ZZEF1: variants seen among roughly 807,000 people sequenced by gnomAD.
The protein encoded by ZZEF1 is zinc finger ZZ-type and EF-hand domain containing 1, also known as zinc finger ZZ-type and EF-hand domain-containing protein 1.
A neutral mutation model predicts 342.8 loss-of-function variants in ZZEF1; 157 were observed. The observed-to-expected ratio is 0.46, with a 90% CI of 0.40 to 0.52. The LOEUF is 0.52. Among genes scored for constraint, ZZEF1 ranks in the 20% least tolerant of loss-of-function variants. The pLI is 0.00. For missense variants in ZZEF1, 3,480 were observed against 3,725.6 expected (o/e 0.93, Z 1.72); for synonymous variants, 1,505 against 1,429.1 (o/e 1.05, Z -1.20).
At chr17:4,085,424 G>T (rs1305452573) in intron 16 of ZZEF1, among the ~76,000 whole-genome samples, 1 of 152,120 alleles carries the variant, frequency 6.6e-6, no homozygotes, top group Non-Finnish European at 1.5e-5. Context: ...AAGTCACAAA[G>T]ATGAAGGAGA....
At chr17:4,029,496 G>GA (rs1015708742) in intron 42 of ZZEF1, among the ~76,000 whole-genome samples, 216 of 147,582 alleles carry the variant, frequency 1.5e-3, no homozygotes, top group African/African-American at 4.2e-3. Context: ...CACCGAAAAA[G>GA]AAAAAAAAAA....
At chr17:4,112,066 A>ATG (rs2058316772) in intron 5 of ZZEF1, among the ~76,000 whole-genome samples, 3 of 48,822 alleles carry the variant, frequency 6.1e-5, no homozygotes, top group African/African-American at 2.9e-4. Context: ...ATATATATAT[A>ATG]TATATATATA....
At chr17:4,097,807 A>G (rs919040380) in intron 9 of ZZEF1, among the ~76,000 whole-genome samples, 2 of 151,952 alleles carry the variant, frequency 1.3e-5, no homozygotes, top group Non-Finnish European at 2.9e-5. Context: ...GCTAAATAAA[A>G]AGTCTGGGCC....
intron 2 of ZZEF1, 43 bp downstream of exon 2, chr17:4,123,864 A>G: frequency 6.3e-7 from 1 of 1,598,358 alleles, no homozygotes; most frequent in South Asian, 1.1e-5. Flanking sequence ...AGTATAGCAA[A>G]GTTCACTTTG....
At chr17:4,059,785 C>T (rs1446383419) in intron 30 of ZZEF1, among the ~76,000 whole-genome samples, 1 of 152,202 alleles carries the variant, frequency 6.6e-6, no homozygotes. Flanking sequence ...CTCCAGTGAT[C>T]TTCTCTTCCA....
intron 18 of ZZEF1, among the ~76,000 whole-genome samples, chr17:4,081,046 G>A (rs917535641): frequency 1.3e-5 from 2 of 151,940 alleles, no homozygotes; most frequent in Non-Finnish European, 2.9e-5. Context: ...AGACCAGCCT[G>A]GGCAACATAA....
intron 42 of ZZEF1, 94 bp from the exon 43 acceptor site, chr17:4,025,212 G>C: frequency 1.7e-6 from 2 of 1,196,290 alleles, no homozygotes; most frequent in South Asian, 1.3e-5. Context: ...CCTTACTAAA[G>C]TAGGGACTGC....
chr17:4,046,695 C>T (rs1469726256), intron 37 of ZZEF1, among the ~76,000 whole-genome samples: 2 of 152,170 alleles, frequency 1.3e-5, no homozygotes, highest in East Asian at 3.9e-4. Context: ...TCTGAAAAGA[C>T]CCGACACCAT....
chr17:4,014,584 G>C lies in ZZEF1; in HGVS notation c.8146-69C>G, dbSNP rs993169202. On this transcript the variant is annotated intron_variant, in intron 49 of 54. Transcript: ENST00000381638. The surrounding 1 kb of genome is among the most constrained non-coding windows in gnomAD (Gnocchi z 4.4). ...TAGACACTGACTGCAGCTGTCCCAT[G>C]CCGAGTCCTGTGGCTGGACCCGGGT... 8.4e-6 allele frequency: 13 copies of C among 1,544,526 alleles called. No homozygotes were observed. In the African/African-American group the frequency reaches 1.4e-4, roughly 16 times the overall value.
At chr17:4,084,777 G>T (rs960834490) in intron 16 of ZZEF1, among the ~76,000 whole-genome samples, 1 of 152,200 alleles carries the variant, frequency 6.6e-6, no homozygotes, top group African/African-American at 2.4e-5. Context: ...GGAACACGAA[G>T]AAGTGGTCTA....
At chr17:4,010,958 T>C (rs1042806018) in intron 52 of ZZEF1, among the ~76,000 whole-genome samples, 1 of 151,842 alleles carries the variant, frequency 6.6e-6, no homozygotes, top group Admixed American at 6.6e-5. Flanking sequence ...GCGTGGTGGC[T>C]CATATTTATA....
chr17:4,121,992 C>A (rs535141109), intron 2 of ZZEF1, among the ~76,000 whole-genome samples: 2 of 152,262 alleles, frequency 1.3e-5, no homozygotes, highest in African/African-American at 4.8e-5. Context: ...GCTGAGATTA[C>A]AGGCATGAGC....
At chr17:4,051,180 T>A in intron 35 of ZZEF1, 137 bp from the exon 36 acceptor site, 1 of 1,136,398 alleles carries the variant, frequency 8.8e-7, no homozygotes, top group Non-Finnish European at 1.3e-6. Flanking sequence ...ACTGAAAATG[T>A]AAAGAAAGGT....
At chr17:4,026,806 C>CTTT (rs2056416314) in intron 42 of ZZEF1, among the ~76,000 whole-genome samples, 1 of 152,122 alleles carries the variant, frequency 6.6e-6, no homozygotes, top group Non-Finnish European at 1.5e-5. Flanking sequence ...AGGTGTGAGC[C>CTTT]ACCACACCCA....
intron 11 of ZZEF1, 22 bp from the exon 12 acceptor site, chr17:4,090,852 C>A: frequency 1.3e-6 from 2 of 1,590,214 alleles, no homozygotes; most frequent in Non-Finnish European, 1.7e-6. Context: ...AGAGTATTCA[C>A]AAAACATTTT....
At chr17:4,056,066 C>T (rs545451164) in intron 33 of ZZEF1, 150 bp downstream of exon 33, 8 of 710,470 alleles carry the variant, frequency 1.1e-5, no homozygotes, top group South Asian at 4.0e-5. Flanking sequence ...TGCATTCGGT[C>T]GCATTCAGCG....
At chr17:4,018,359 C>T (rs1305344938) in intron 46 of ZZEF1, among the ~76,000 whole-genome samples, 3 of 152,150 alleles carry the variant, frequency 2.0e-5, no homozygotes, top group Middle Eastern at 3.2e-3. Flanking sequence ...GATCCTCCTG[C>T]CTGCCTCAGC....
At chr17:4,051,932 A>G (rs767401565) in intron 35 of ZZEF1, 39 bp downstream of exon 35, 4 of 1,575,084 alleles carry the variant, frequency 2.5e-6, no homozygotes, top group Non-Finnish European at 3.4e-6. Flanking sequence ...AGGAACGTGT[A>G]AATAAAAGGC....
At chr17:4,121,114 T>A (rs1306198618) in intron 2 of ZZEF1, among the ~76,000 whole-genome samples, 1 of 152,176 alleles carries the variant, frequency 6.6e-6, no homozygotes, top group Non-Finnish European at 1.5e-5. Flanking sequence ...GCCTTGAGAT[T>A]TGGACCCTGA....
Sources: allele counts gnomAD v4.1 joint callset (sites outside exome capture counted in the v4.1 genomes callset), GRCh38; gene constraint gnomAD v4.1.1; non-coding constraint Gnocchi (gnomAD v3.1); transcripts MANE v1.5; gene names NCBI Gene and HGNC (gene_info 2026-07-23, HGNC 2026-07-21).